The following ZNF407 variants were observed in gnomAD, a reference collection of about 807,000 sequenced individuals.
ZNF407 encodes zinc finger protein 407.
Under a neutral mutation model 131.2 loss-of-function variants are expected in ZNF407, and 17 were observed. The ratio of observed to expected loss-of-function variants is 0.13; its 90% confidence interval spans 0.09 to 0.19. ZNF407 has a LOEUF of 0.19. ZNF407 is among the 10% of genes least tolerant of loss of function. ZNF407 has a pLI of 1.00. For missense variants in ZNF407, 2,681 were observed against 2,830.6 expected (o/e 0.95, Z 1.20); for synonymous variants, 1,156 against 1,062.0 (o/e 1.09, Z -1.72).
intron 4 of ZNF407, among the ~76,000 whole-genome samples, chr18:74,785,813 A>G (rs1012778254): frequency 6.6e-6 from 1 of 151,298 alleles, no homozygotes; most frequent in Non-Finnish European, 1.5e-5. Context: ...CACAGCATGT[A>G]CATGGCATGC....
chr18:75,061,713 C>T (rs1247475864), intron 8 of ZNF407: 1 of 152,532 alleles, frequency 6.6e-6, no homozygotes, highest in Non-Finnish European at 1.5e-5. Context: ...TCCTGGGTAT[C>T]CCGTTGACAA....
At chr18:74,615,882 A>G (rs1232683223) in intron 1 of ZNF407, among the ~76,000 whole-genome samples, 1 of 151,710 alleles carries the variant, frequency 6.6e-6, no homozygotes, top group Non-Finnish European at 1.5e-5. Context: ...TTTTTTTTTA[A>G]GATGGAGTTT....
chr18:74,835,730 T>A (rs183811273), intron 4 of ZNF407, among the ~76,000 whole-genome samples: 12 of 151,672 alleles, frequency 7.9e-5, no homozygotes, highest in Non-Finnish European at 2.9e-5. Context: ...AGAAGAGAAA[T>A]CTGTAAATTT....
intron 3 of ZNF407, among the ~76,000 whole-genome samples, chr18:74,658,545 A>G (rs946590453): frequency 1.3e-5 from 2 of 152,206 alleles, no homozygotes. Flanking sequence ...GTGACTACCT[A>G]GATGAATACT....
At chr18:74,778,627 T>A (rs1436340242) in intron 3 of ZNF407, among the ~76,000 whole-genome samples, 1 of 152,126 alleles carries the variant, frequency 6.6e-6, no homozygotes, top group African/African-American at 2.4e-5. Flanking sequence ...TTAATAAATA[T>A]GTAAATTAAA....
chr18:74,789,445 T>A (rs1969783440), intron 4 of ZNF407, among the ~76,000 whole-genome samples: 1 of 152,132 alleles, frequency 6.6e-6, no homozygotes, highest in Middle Eastern at 3.2e-3. Context: ...CCAGTGAGCG[T>A]ATTTCATTGG....
chr18:74,851,879 A>T (rs1970788880), intron 4 of ZNF407, among the ~76,000 whole-genome samples: 1 of 152,198 alleles, frequency 6.6e-6, no homozygotes, highest in Admixed American at 6.5e-5. Context: ...GTTGTCAAAA[A>T]CATTAGGGCA....
intron 3 of ZNF407, among the ~76,000 whole-genome samples, chr18:74,732,230 C>T (rs980349147): frequency 6.6e-6 from 1 of 152,096 alleles, no homozygotes; most frequent in Non-Finnish European, 1.5e-5. Context: ...TTCTTATTGT[C>T]GTGAAACTTA....
chr18:74,906,368 G>A lies in ZNF407; in HGVS notation c.5250-14146G>A, dbSNP rs777108429. Among the ~76,000 whole-genome samples, 38 of 152,268 alleles carry A rather than the reference G, an allele frequency of 2.5e-4. 1 individual carries two copies. The South Asian group carries it at 3.1e-3, about 12-fold the overall frequency. ...GATTGACTCCTCCCTGTGTAAACAC[G>A]AGGATCCAGGCACGTAAGCACATCC... On this transcript the variant is annotated intron_variant, in intron 7 of 8. Transcript: ENST00000299687.
intron 3 of ZNF407, among the ~76,000 whole-genome samples, chr18:74,748,639 A>G (rs1288825441): frequency 6.6e-6 from 1 of 152,172 alleles, no homozygotes; most frequent in African/African-American, 2.4e-5. Flanking sequence ...AAATGAAAAG[A>G]ATTTTAATTT....
chr18:75,024,476 C>A (rs1973148661), intron 8 of ZNF407, among the ~76,000 whole-genome samples: 1 of 152,166 alleles, frequency 6.6e-6, no homozygotes, highest in African/African-American at 2.4e-5. Flanking sequence ...GCAAGTGAGA[C>A]AACACTTTTT....
chr18:74,852,203 G>A (rs201658492), intron 4 of ZNF407, among the ~76,000 whole-genome samples: 5,021 of 147,710 alleles, frequency 0.034, 116 homozygotes, highest in South Asian at 0.076. Flanking sequence ...ACACACGCAC[G>A]CACGCACGCG....
intron 2 of ZNF407, among the ~76,000 whole-genome samples, chr18:74,638,475 T>C (rs1168762600): frequency 6.6e-6 from 1 of 152,224 alleles, no homozygotes; most frequent in African/African-American, 2.4e-5. Context: ...TTCATTCCTT[T>C]AAGATCTAAG....
intron 3 of ZNF407, among the ~76,000 whole-genome samples, chr18:74,713,688 C>T (rs940535358): frequency 1.3e-5 from 2 of 152,006 alleles, no homozygotes; most frequent in Non-Finnish European, 2.9e-5. Flanking sequence ...ATAATATCTC[C>T]CAAATTTTGT....
chr18:74,625,413 C>T (rs1983744875), intron 1 of ZNF407, among the ~76,000 whole-genome samples: 1 of 151,806 alleles, frequency 6.6e-6, no homozygotes, highest in African/African-American at 2.4e-5. Context: ...GGTGTGTGTT[C>T]CCTTTATGTA....
chr18:75,029,968 A>G lies in ZNF407; in HGVS notation c.5429-33182A>G, dbSNP rs140210931. On this transcript the variant is annotated intron_variant, in intron 8 of 8. Transcript: ENST00000299687. ...CAATCATGAGCATTACATTAAAAAT[A>G]TGGGGAAGAGGTTTCCTGTAAATGT... 5.0e-3 allele frequency among the ~76,000 whole-genome samples: 758 copies of G among 152,346 alleles called. 11 individuals carry two copies. Among genetic ancestry groups the G allele is most frequent in the African/African-American group, 0.017 (699 of 41,584 alleles).
chr18:74,650,714 G>A (rs539507530), intron 3 of ZNF407, among the ~76,000 whole-genome samples: 2 of 152,054 alleles, frequency 1.3e-5, no homozygotes, highest in Non-Finnish European at 2.9e-5. Flanking sequence ...TCATGGAAGG[G>A]GTGGGCCACG....
chr18:75,008,985 C>T (rs1232320896), intron 8 of ZNF407, among the ~76,000 whole-genome samples: 1 of 152,142 alleles, frequency 6.6e-6, no homozygotes, highest in Non-Finnish European at 1.5e-5. Context: ...CTGTTTCAAA[C>T]ACTTATCTTC....
At chr18:75,022,987 A>G (rs950076233) in intron 8 of ZNF407, among the ~76,000 whole-genome samples, 6 of 152,220 alleles carry the variant, frequency 3.9e-5, no homozygotes, top group African/African-American at 1.4e-4. Flanking sequence ...ACACCGTGGA[A>G]TACTATGCAG....
Sources: allele counts gnomAD v4.1 joint callset (sites outside exome capture counted in the v4.1 genomes callset), GRCh38; gene constraint gnomAD v4.1.1; transcripts MANE v1.5; gene names NCBI Gene and HGNC (gene_info 2026-07-23, HGNC 2026-07-21).